The following FILIP1L variants were observed in gnomAD, a reference collection of about 807,000 sequenced individuals.
FILIP1L encodes the protein filamin A interacting protein 1 like.
Under a neutral mutation model 96.6 loss-of-function variants are expected in FILIP1L, and 55 were observed. The ratio of observed to expected loss-of-function variants is 0.57; its 90% CI spans 0.46 to 0.71. The LOEUF (loss-of-function observed/expected upper bound fraction) is 0.71. Among genes scored for constraint, FILIP1L ranks in the 30% least tolerant of loss-of-function variants. FILIP1L has a pLI of 0.00. For missense variants in FILIP1L, 1,304 were observed against 1,321.2 expected (o/e 0.99, Z 0.20); for synonymous variants, 467 against 473.9 (o/e 0.99, Z 0.19).
chr3:99,985,808 C>T (rs761961348), intron 1 of FILIP1L, among the ~76,000 whole-genome samples: 1 of 152,084 alleles, frequency 6.6e-6, no homozygotes, highest in East Asian at 1.9e-4. Flanking sequence ...AGGCTGGTCT[C>T]GAACTCCTGA....
intron 4 of FILIP1L, 117 bp downstream of exon 4, chr3:99,924,113 T>C: frequency 1.2e-6 from 1 of 848,204 alleles, no homozygotes; most frequent in Admixed American, 2.3e-5. Flanking sequence ...CACCCTGGAC[T>C]ATGAGATCTT....
chr3:99,930,660 T>A (rs999842168), intron 2 of FILIP1L, 109 bp downstream of exon 2: 1 of 1,189,222 alleles, frequency 8.4e-7, no homozygotes, highest in East Asian at 2.4e-5. Context: ...TGCTTTCATG[T>A]ACACACATGT....
chr3:100,046,837 G>A (rs12633530), intron 1 of FILIP1L, among the ~76,000 whole-genome samples: 1 of 152,208 alleles, frequency 6.6e-6, no homozygotes, highest in Non-Finnish European at 1.5e-5. Flanking sequence ...TAAGTGCTCA[G>A]TGAGTGGTGA....
chr3:99,911,199 ATT>A (rs1559685088), intron 4 of FILIP1L, among the ~76,000 whole-genome samples: 7 of 152,004 alleles, frequency 4.6e-5, no homozygotes, highest in African/African-American at 1.7e-4. Flanking sequence ...CTTCAATCCT[ATT>A]TGGCTGTAAA....
intron 1 of FILIP1L, among the ~76,000 whole-genome samples, chr3:99,931,947 C>G (rs1011804857): frequency 6.6e-6 from 1 of 152,088 alleles, no homozygotes; most frequent in Non-Finnish European, 1.5e-5. Flanking sequence ...CTCTTTGTCC[C>G]TACAAATCAT....
At chr3:99,844,411 A>G (rs1943271579) in intron 5 of FILIP1L, among the ~76,000 whole-genome samples, 1 of 152,168 alleles carries the variant, frequency 6.6e-6, no homozygotes, top group African/African-American at 2.4e-5. Flanking sequence ...ACAAAGCAAA[A>G]TGATTATTTG....
chr3:99,971,722 G>A (rs1011043255), intron 1 of FILIP1L, among the ~76,000 whole-genome samples: 4 of 152,058 alleles, frequency 2.6e-5, no homozygotes, highest in Admixed American at 2.0e-4. Flanking sequence ...TGTATGGTAG[G>A]GTCTAGGATA....
intron 1 of FILIP1L, among the ~76,000 whole-genome samples, chr3:99,994,222 A>G (rs189950719): frequency 6.6e-6 from 1 of 152,296 alleles, no homozygotes; most frequent in East Asian, 1.9e-4. Context: ...TGTTTCCAGC[A>G]TTCAGATCAG....
intron 1 of FILIP1L, among the ~76,000 whole-genome samples, chr3:99,945,521 G>A (rs1053289868): frequency 6.6e-6 from 1 of 152,180 alleles, no homozygotes; most frequent in African/African-American, 2.4e-5. Context: ...ATAAATGGAT[G>A]TCAGAAGCTT....
At chr3:100,044,464 A>G (rs1276295551) in intron 1 of FILIP1L, among the ~76,000 whole-genome samples, 2 of 152,224 alleles carry the variant, frequency 1.3e-5, no homozygotes, top group Non-Finnish European at 2.9e-5. Context: ...CAAACAGAGT[A>G]TACAAGAGCA....
At chr3:99,835,230 C>G (rs1177351299) in intron 5 of FILIP1L, among the ~76,000 whole-genome samples, 2 of 152,162 alleles carry the variant, frequency 1.3e-5, no homozygotes, top group African/African-American at 4.8e-5. Context: ...CACCTTTGAC[C>G]CAGAAAAGGC....
Position 99,929,920 on chromosome 3 carries a change from C to A in FILIP1L, c.362G>T (p.Arg121Ile), listed in dbSNP as rs765932581. Residue 121 changes from arginine (R) to isoleucine (I), a missense_variant, in exon 3 of 6, where the codon AGA becomes ATA. Coordinates refer to ENST00000477258, the MANE Select transcript of FILIP1L (RefSeq NM_001387850.1). Reference sequence around the variant, plus strand: ...GGTAGATTTCGCTTGAAAAGCATCTCTCTGGAGAGCCTCTAACACCTTTTT... The same window carrying A: ...GGTAGATTTCGCTTGAAAAGCATCTATCTGGAGAGCCTCTAACACCTTTTT... ...TPKKVLEALQ[R>I]DAFQAKSTPW... is the part of the protein sequence containing the mutation. 2 of 1,613,844 alleles carry A rather than the reference C, an allele frequency of 1.2e-6. No homozygotes were observed. The highest frequency in any genetic ancestry group is 4.5e-5 in the East Asian group (2 of 44,836).
intron 1 of FILIP1L, among the ~76,000 whole-genome samples, chr3:100,036,515 T>C (rs1057421607): frequency 2.6e-5 from 4 of 152,316 alleles, no homozygotes; most frequent in Admixed American, 6.5e-5. Flanking sequence ...TTGTTCATGG[T>C]GATAATAGGT....
At chr3:99,995,328 T>C (rs556004591) in intron 1 of FILIP1L, among the ~76,000 whole-genome samples, 15 of 152,326 alleles carry the variant, frequency 9.8e-5, no homozygotes, top group African/African-American at 3.4e-4. Flanking sequence ...AGGTCTCACA[T>C]CCAGGTCACA....
chr3:100,047,968 C>T (rs775256903), intron 1 of FILIP1L, among the ~76,000 whole-genome samples: 16 of 152,192 alleles, frequency 1.1e-4, no homozygotes, highest in Admixed American at 4.6e-4. Context: ...CGAATTGTCC[C>T]TCCTATAGTG....
At chr3:99,943,860 G>T (rs182374718) in intron 1 of FILIP1L, among the ~76,000 whole-genome samples, 83 of 152,284 alleles carry the variant, frequency 5.5e-4, no homozygotes, top group African/African-American at 1.9e-3. Context: ...TACTTCCCTC[G>T]CAACTTCTGC....
At chr3:99,904,918 C>A (rs1480593379) in intron 4 of FILIP1L, among the ~76,000 whole-genome samples, 1 of 152,160 alleles carries the variant, frequency 6.6e-6, no homozygotes, top group Non-Finnish European at 1.5e-5. Flanking sequence ...TCCTCACCAC[C>A]TTCTTTGGGT....
intron 1 of FILIP1L, among the ~76,000 whole-genome samples, chr3:100,089,838 AT>A (rs1307288080): frequency 1.3e-5 from 2 of 152,130 alleles, no homozygotes; most frequent in Non-Finnish European, 2.9e-5. Flanking sequence ...TCTAGTCTCC[AT>A]TTTTGCCACC....
At chr3:100,011,627 T>G (rs1297974806) in intron 1 of FILIP1L, 2 of 152,226 alleles carry the variant, frequency 1.3e-5, no homozygotes, top group Non-Finnish European at 2.9e-5. Flanking sequence ...GAATATTGGA[T>G]GAAGCAGTGG....
Sources: allele counts gnomAD v4.1 joint callset (sites outside exome capture counted in the v4.1 genomes callset), GRCh38; gene constraint gnomAD v4.1.1; transcripts MANE v1.5; gene names NCBI Gene and HGNC (gene_info 2026-07-23, HGNC 2026-07-21).